Variants in ELAVL2 observed in about 807,000 individuals in gnomAD.
ELAVL2 encodes ELAV-like protein 2.
ELAVL2 carries 4 observed loss-of-function variants against 34.6 expected under a neutral mutation model. That is an observed-to-expected ratio of 0.12 (90% CI 0.06 to 0.26). ELAVL2 has a LOEUF of 0.26. Among genes scored for constraint, ELAVL2 ranks in the 10% least tolerant of loss-of-function variants. The pLI is 1.00. For synonymous variants in ELAVL2, 193 were observed against 154.8 expected (o/e 1.25, Z -1.83); for missense variants, 432 against 442.8 (o/e 0.98, Z 0.22).
the ELAVL2 span, among the ~76,000 whole-genome samples, chr9:23,848,324 A>G: frequency 6.6e-6 from 1 of 152,222 alleles, no homozygotes; most frequent in Non-Finnish European, 1.5e-5. Flanking sequence ...GCTAATACAA[A>G]GACATAAAAT....
rs189932711 is a variant in ELAVL2 at position 23,787,646 on chromosome 9, C to T, written c.-15-25397G>A. 7.6e-3 allele frequency among the ~76,000 whole-genome samples: 1,156 copies of T among 152,168 alleles called. 4 individuals carry two copies. Among genetic ancestry groups the T allele is most frequent in the Admixed American group, 0.025 (381 of 15,276 alleles). Reference sequence around the variant, plus strand: ...GGTCTAACAAACTCCAGAGCCCATGCTCTTTGCACCACACATCAATGAAGC... The same window carrying T: ...GGTCTAACAAACTCCAGAGCCCATGTTCTTTGCACCACACATCAATGAAGC... On this transcript the variant is annotated intron_variant, in intron 1 of 6. Coordinates refer to ENST00000397312, the MANE Select transcript of ELAVL2 (RefSeq NM_004432.5).
intron 3 of ELAVL2, among the ~76,000 whole-genome samples, chr9:23,716,728 C>G (rs2042399055): frequency 6.6e-6 from 1 of 152,160 alleles, no homozygotes; most frequent in South Asian, 2.1e-4. Context: ...AAATTTTTAT[C>G]CACTTTATTA....
intron 1 of ELAVL2, among the ~76,000 whole-genome samples, chr9:23,811,407 C>A (rs1317681774): frequency 6.6e-6 from 1 of 151,966 alleles, no homozygotes; most frequent in Non-Finnish European, 1.5e-5. Context: ...CTCAGAACAC[C>A]AAGCACTGGC....
chr9:23,701,020 G>A (rs1327092969), intron 5 of ELAVL2, among the ~76,000 whole-genome samples: 2 of 152,142 alleles, frequency 1.3e-5, no homozygotes, highest in East Asian at 3.9e-4. Context: ...GCTGTACACT[G>A]TAGGAGCTTA....
rs1260897719 is a variant in ELAVL2, at chr9:23,825,011, C to T, written c.-16+795G>A. 3.3e-5 allele frequency among the ~76,000 whole-genome samples: 5 copies of T among 152,154 alleles called. No individual in the cohort carries two copies. The East Asian group carries it at 9.7e-4, about 29-fold the overall frequency. On this transcript the variant is annotated intron_variant, in intron 1 of 6. Coordinates refer to ENST00000397312, the MANE Select transcript of ELAVL2 (RefSeq NM_004432.5). ...CTTCCCAGCGCCCAGCACAGCGAGGCTCCCAAGCAGCCGGCACTTCATAGA... is the reference window on the plus strand; with the variant it reads ...CTTCCCAGCGCCCAGCACAGCGAGGTTCCCAAGCAGCCGGCACTTCATAGA...
At chr9:23,755,791 A>G (rs1025114493) in intron 2 of ELAVL2, among the ~76,000 whole-genome samples, 3 of 152,160 alleles carry the variant, frequency 2.0e-5, no homozygotes, top group Admixed American at 2.0e-4. Context: ...CAGAGTTTGC[A>G]AAGTGAGGTG....
chr9:23,819,253 G>A (rs377714721), intron 1 of ELAVL2, among the ~76,000 whole-genome samples: 1 of 152,168 alleles, frequency 6.6e-6, no homozygotes, highest in Admixed American at 6.5e-5. Flanking sequence ...AACCTACCAG[G>A]AGCTGAGTCT....
chr9:23,711,842 A>C (rs2041049752), intron 3 of ELAVL2, among the ~76,000 whole-genome samples: 1 of 152,086 alleles, frequency 6.6e-6, no homozygotes, highest in Non-Finnish European at 1.5e-5. Context: ...ACTGTAATGA[A>C]GATGATTTAT....
At chr9:23,828,912 A>T (rs1352893972), upstream of ELAVL2, among the ~76,000 whole-genome samples, 1 of 152,204 alleles carries the variant, frequency 6.6e-6, no homozygotes, top group East Asian at 1.9e-4. Context: ...TTTGAAATTC[A>T]TGTCTCATAG....
chr9:23,759,428 C>A (rs1437666609), intron 2 of ELAVL2, among the ~76,000 whole-genome samples: 1 of 151,378 alleles, frequency 6.6e-6, no homozygotes, highest in East Asian at 2.0e-4. Context: ...AAGGAGGGGG[C>A]CAGATGGTTA....
intron 3 of ELAVL2, among the ~76,000 whole-genome samples, chr9:23,710,047 G>A (rs767276915): frequency 6.6e-6 from 1 of 152,144 alleles, no homozygotes; most frequent in Non-Finnish European, 1.5e-5. Flanking sequence ...TGCTACTACA[G>A]GTAAGTAAAT....
At chr9:23,834,977 T>C in the ELAVL2 span, among the ~76,000 whole-genome samples, 5 of 152,050 alleles carry the variant, frequency 3.3e-5, no homozygotes, top group Non-Finnish European at 7.4e-5. Context: ...CCAGGAGGTA[T>C]AGAAGGACAT....
rs1028278004 is a variant in ELAVL2, at chr9:23,783,499, A to G, written c.-15-21250T>C. Reference sequence around the variant, plus strand: ...AAAACAACGAGGTTCATTATTGAATAAAGGCATCAGGAATTCTTGGAGATG... The same window carrying G: ...AAAACAACGAGGTTCATTATTGAATGAAGGCATCAGGAATTCTTGGAGATG... On this transcript the variant is annotated intron_variant, in intron 1 of 6. Transcript: ENST00000397312. 5.1e-6 allele frequency: 5 copies of G among 985,356 alleles called. No individual in the cohort carries two copies. The African/African-American group carries it at 7.0e-5, about 14-fold the overall frequency. 61.0% of individuals were successfully genotyped at this position (985,356 alleles called of 1,614,324 possible).
chr9:23,770,105 A>G (rs1333306220), intron 1 of ELAVL2, among the ~76,000 whole-genome samples: 2 of 152,336 alleles, frequency 1.3e-5, no homozygotes, highest in African/African-American at 4.8e-5. Context: ...AGGTACAGCA[A>G]TGAAGAAGCA....
At chr9:23,816,607 C>A (rs1011969694) in intron 1 of ELAVL2, among the ~76,000 whole-genome samples, 3 of 151,190 alleles carry the variant, frequency 2.0e-5, no homozygotes, top group Non-Finnish European at 4.4e-5. Flanking sequence ...TTCAAACTTA[C>A]GATTTTTCAA....
intron 2 of ELAVL2, among the ~76,000 whole-genome samples, chr9:23,752,803 C>T (rs1356069340): frequency 1.3e-5 from 2 of 151,968 alleles, no homozygotes; most frequent in East Asian, 3.9e-4. Context: ...TGCTTTTTTC[C>T]CCCTTAAAGG....
At chr9:23,765,372 C>A (rs1394103661) in intron 1 of ELAVL2, among the ~76,000 whole-genome samples, 1 of 152,044 alleles carries the variant, frequency 6.6e-6, no homozygotes, top group East Asian at 1.9e-4. Flanking sequence ...CTAATGTAAA[C>A]CACACCTCAA....
chr9:23,703,645 G>A (rs2038252840), intron 4 of ELAVL2, among the ~76,000 whole-genome samples: 1 of 152,132 alleles, frequency 6.6e-6, no homozygotes, highest in Non-Finnish European at 1.5e-5. Flanking sequence ...ATCTTCACTT[G>A]ATGAATGAAA....
intron 2 of ELAVL2, among the ~76,000 whole-genome samples, chr9:23,736,616 AGTTCTGCCACACCCGCATCAC>A (rs2134909610): frequency 6.6e-6 from 1 of 152,268 alleles, no homozygotes; most frequent in South Asian, 2.1e-4. Context: ...TTCCAGCCCA[AGTTCTGCCACACCCGCATCAC>A]GTTCTGCCAG....
Sources: allele counts gnomAD v4.1 joint callset (sites outside exome capture counted in the v4.1 genomes callset), GRCh38; gene constraint gnomAD v4.1.1; transcripts MANE v1.5; gene names NCBI Gene and HGNC (gene_info 2026-07-23, HGNC 2026-07-21).